SOX5: variants seen among roughly 807,000 people sequenced by gnomAD.
SOX5 encodes SRY-box transcription factor 5, also known as transcription factor SOX-5.
Under a neutral mutation model 92.0 loss-of-function variants are expected in SOX5, and 9 were observed. The observed-to-expected ratio is 0.10, with a 90% CI of 0.06 to 0.17. SOX5 has a LOEUF of 0.17. SOX5 is among the 10% of genes least tolerant of loss of function. The probability of loss-of-function intolerance (pLI) is 1.00; values close to 1 mark genes in which losing one functional copy is unlikely to be tolerated. For synonymous variants in SOX5, 344 were observed against 336.3 expected (o/e 1.02, Z -0.25); for missense variants, 642 against 944.5 (o/e 0.68, Z 4.20).
chr12:24,001,130 A>C (rs1040659121), intron 4 of SOX5, among the ~76,000 whole-genome samples: 1 of 152,164 alleles, frequency 6.6e-6, no homozygotes, highest in African/African-American at 2.4e-5. Flanking sequence ...TTGCTCTGTC[A>C]CCCAGATTAG....
chr12:24,394,463 A>G lies in SOX5; in HGVS notation c.-250-25824T>C, dbSNP rs930836282. Among the ~76,000 whole-genome samples, 3 of 152,166 alleles carry G rather than the reference A, an allele frequency of 2.0e-5. No homozygotes were observed. In the South Asian group the frequency reaches 6.2e-4, roughly 32 times the overall value. ...CTGACATTTGCTGACCTGACCATCC[A>G]GACCAAGCTGAAGGAGGAGCTGGCT... On this transcript the variant is annotated intron_variant, in intron 1 of 4. Transcript: ENST00000446891.
chr12:23,948,419 C>T (rs1165787442), intron 1 of SOX5, among the ~76,000 whole-genome samples: 7 of 151,660 alleles, frequency 4.6e-5, no homozygotes, highest in South Asian at 2.1e-4. Flanking sequence ...TTTCTTTTTT[C>T]GTCTTTTCAT....
chr12:24,014,996 C>T (rs1427335102), intron 4 of SOX5, among the ~76,000 whole-genome samples: 2 of 152,130 alleles, frequency 1.3e-5, no homozygotes, highest in Non-Finnish European at 2.9e-5. Context: ...AGACCTCTAA[C>T]TTGCAGAGGA....
At chr12:24,551,353 C>T (rs1344649518) in intron 1 of SOX5, among the ~76,000 whole-genome samples, 2 of 152,220 alleles carry the variant, frequency 1.3e-5, no homozygotes, top group Non-Finnish European at 2.9e-5. Flanking sequence ...GACAGACAAT[C>T]AGATGTAGAC....
In SOX5 at chr12:24,041,686, G is replaced by A. The variant is rs192878066; in HGVS notation, c.-1-145662C>T. ...GAACAAAATATTCAAAGATCCTTAT[G>A]TAAATTAAAACACAGGGGAAATATA... On this transcript the variant is annotated intron_variant, in intron 4 of 4. Transcript: ENST00000446891. Among the ~76,000 whole-genome samples the A allele has an allele frequency of 2.0e-5, 3 of 152,068 alleles. No homozygotes were observed. The East Asian group carries it at 5.8e-4, about 29-fold the overall frequency.
At chr12:24,300,579 G>C (rs1947834633) in intron 2 of SOX5, among the ~76,000 whole-genome samples, 1 of 152,178 alleles carries the variant, frequency 6.6e-6, no homozygotes, top group South Asian at 2.1e-4. Context: ...TTCAGTCTGT[G>C]AACCAAGAGA....
chr12:24,056,379 G>A (rs1179718230), intron 4 of SOX5, among the ~76,000 whole-genome samples: 1 of 152,158 alleles, frequency 6.6e-6, no homozygotes, highest in East Asian at 1.9e-4. Flanking sequence ...ATTTAATCCT[G>A]TAGTTGAAAT....
chr12:24,199,074 C>T (rs1006484210), intron 4 of SOX5, among the ~76,000 whole-genome samples: 2 of 152,022 alleles, frequency 1.3e-5, no homozygotes, highest in South Asian at 2.1e-4. Context: ...GAAAGTTAGT[C>T]GAGGGAGAGC....
In SOX5 at chr12:23,892,726, T is replaced by G. The variant is rs145765502; in HGVS notation, c.270+3067A>C. ...TAATTAAAAATATAAGAGAAAAGTA[T>G]AAGTGCTGATGTCACTAAAACAATC... is the stretch of plus-strand genomic sequence containing the variant. On this transcript the variant is annotated intron_variant, in intron 2 of 14. Coordinates refer to ENST00000451604, the MANE Select transcript of SOX5 (RefSeq NM_006940.6). Among the ~76,000 whole-genome samples the G allele has an allele frequency of 6.6e-3, 1,007 of 152,310 alleles. 18 individuals carry two copies. Among genetic ancestry groups the G allele is most frequent in the African/African-American group, 0.023 (972 of 41,574 alleles).
At chr12:23,746,529 T>G (rs763944101) in intron 4 of SOX5, among the ~76,000 whole-genome samples, 41 of 152,208 alleles carry the variant, frequency 2.7e-4, no homozygotes, top group Non-Finnish European at 1.9e-4. Flanking sequence ...ATGTTTTTAA[T>G]CTATGCTAGT....
At chr12:23,654,913 G>C (rs960191312) in intron 7 of SOX5, among the ~76,000 whole-genome samples, 11 of 151,854 alleles carry the variant, frequency 7.2e-5, no homozygotes, top group Admixed American at 1.3e-4. Context: ...GACAATATAA[G>C]GTAATTGTTA....
intron 1 of SOX5, among the ~76,000 whole-genome samples, chr12:23,915,591 C>T (rs890883805): frequency 1.6e-4 from 24 of 151,950 alleles, no homozygotes; most frequent in African/African-American, 4.1e-4. Flanking sequence ...TGAATGACAC[C>T]GAGAACTATA....
rs147344391 is a variant in SOX5 at position 24,271,757 on chromosome 12, A to G, written c.-77+5459T>C. 7.3e-3 allele frequency among the ~76,000 whole-genome samples: 1,112 copies of G among 152,342 alleles called. 4 individuals are homozygous for G. Among genetic ancestry groups the G allele is most frequent in the Non-Finnish European group, 0.012 (820 of 68,020 alleles). On this transcript the variant is annotated intron_variant, in intron 3 of 4. Transcript: ENST00000446891. ...TTCTCCACTTTAAAGGACTGCCCTTATTAGAAATAAAGTATCCATATTTGC... is the reference window on the plus strand; with the variant it reads ...TTCTCCACTTTAAAGGACTGCCCTTGTTAGAAATAAAGTATCCATATTTGC...
At chr12:23,996,427 T>G (rs924917928) in intron 4 of SOX5, among the ~76,000 whole-genome samples, 1 of 152,134 alleles carries the variant, frequency 6.6e-6, no homozygotes, top group African/African-American at 2.4e-5. Context: ...GGAAAACAGT[T>G]TGGTGAGTCC....
At chr12:23,569,286 C>T (rs1039435634) in intron 10 of SOX5, among the ~76,000 whole-genome samples, 1 of 152,034 alleles carries the variant, frequency 6.6e-6, no homozygotes, top group Non-Finnish European at 1.5e-5. Flanking sequence ...CCTCTGGTAC[C>T]GTAGTGCTTC....
chr12:24,086,923 G>T (rs1944061288), intron 4 of SOX5, among the ~76,000 whole-genome samples: 1 of 152,010 alleles, frequency 6.6e-6, no homozygotes, highest in Admixed American at 6.6e-5. Flanking sequence ...GTCACAAGTG[G>T]TATTTCAACA....
chr12:24,479,698 C>T (rs1945770095), intron 1 of SOX5, among the ~76,000 whole-genome samples: 1 of 151,770 alleles, frequency 6.6e-6, no homozygotes, highest in African/African-American at 2.4e-5. Flanking sequence ...CAGAGTCTCA[C>T]TCTGTCGTCC....
intron 4 of SOX5, among the ~76,000 whole-genome samples, chr12:23,747,995 T>C (rs986591032): frequency 6.7e-6 from 1 of 150,350 alleles, no homozygotes; most frequent in African/African-American, 2.4e-5. Flanking sequence ...ATCAAATCTA[T>C]CCAAGGTAAT....
chr12:24,044,609 A>G (rs2137035724), intron 4 of SOX5, among the ~76,000 whole-genome samples: 1 of 152,324 alleles, frequency 6.6e-6, no homozygotes, highest in South Asian at 2.1e-4. Flanking sequence ...GTTAAGTCGT[A>G]TTTTATCCTA....
Sources: gnomAD v4.1 joint callset for allele counts (sites outside exome capture counted in the v4.1 genomes callset) on GRCh38, gnomAD v4.1.1 for gene constraint, MANE v1.5 for transcripts, NCBI Gene and HGNC (gene_info 2026-07-23, HGNC 2026-07-21) for gene names.